GPR143: variants seen among roughly 807,000 people sequenced by gnomAD.
The protein encoded by GPR143 is G protein-coupled receptor 143.
Under a neutral mutation model 27.6 loss-of-function variants are expected in GPR143, and 8 were observed. The ratio of observed to expected loss-of-function variants is 0.29; its 90% CI spans 0.17 to 0.52. The LOEUF is 0.52. Among genes scored for constraint, GPR143 ranks in the 20% least tolerant of loss-of-function variants. GPR143 has a pLI of 0.96. For missense variants in GPR143, 303 were observed against 343.1 expected, an observed-to-expected ratio of 0.88 and a Z score of 0.92; for synonymous variants, 156 against 153.2, an observed-to-expected ratio of 1.02 and a Z score of -0.13.
intron 3 of GPR143, among the ~76,000 whole-genome samples, chrX:9,750,943 C>T (rs1253730573): frequency 1.8e-5 from 2 of 112,735 alleles, no homozygotes; most frequent in South Asian, 3.6e-4. Flanking sequence ...CTGCACCTCA[C>T]GGGCACAGCA....
intron 8 of GPR143, among the ~76,000 whole-genome samples, chrX:9,730,104 G>A (rs191428047): frequency 3.8e-4 from 43 of 112,583 alleles, no homozygotes; most frequent in African/African-American, 1.4e-3. Flanking sequence ...GTGTGTAGTT[G>A]GGTATACCCT....
At chrX:9,746,280 G>A (rs945151244) in intron 4 of GPR143, 127 bp from the exon 5 acceptor site, 1 of 510,448 alleles carries the variant, frequency 2.0e-6, no homozygotes, top group African/African-American at 2.3e-5. Flanking sequence ...GCTGCTGACT[G>A]CCCAAAGGAA....
At chrX:9,754,546 G>GAACCCC (rs2083465365) in intron 3 of GPR143, among the ~76,000 whole-genome samples, 1 of 111,898 alleles carries the variant, frequency 8.9e-6, no homozygotes, top group Non-Finnish European at 1.9e-5. Context: ...GCAGAAGTCT[G>GAACCCC]AACCCCAATC....
At chrX:9,751,166 C>T (rs1189446987) in intron 3 of GPR143, among the ~76,000 whole-genome samples, 2 of 112,924 alleles carry the variant, frequency 1.8e-5, no homozygotes, top group African/African-American at 3.2e-5. Flanking sequence ...TGTGCCACTA[C>T]GCTAAGGGGC....
chrX:9,726,581 T>G (rs1270648939), intron 8 of GPR143, among the ~76,000 whole-genome samples: 1 of 112,390 alleles, frequency 8.9e-6, no homozygotes, highest in Non-Finnish European at 1.9e-5. Context: ...TGTCCAAATA[T>G]GCTCAGCATT....
intron 4 of GPR143, among the ~76,000 whole-genome samples, chrX:9,746,421 G>T (rs766711211): frequency 1.3e-4 from 14 of 110,698 alleles, no homozygotes; most frequent in Non-Finnish European, 2.6e-4. Context: ...AAAGGTTCCT[G>T]CTGGGAAAAG....
chrX:9,750,455 A>C (rs1018844011), intron 3 of GPR143, among the ~76,000 whole-genome samples: 1 of 103,665 alleles, frequency 9.6e-6, no homozygotes, highest in Non-Finnish European at 2.0e-5. Flanking sequence ...TGATCCCCTC[A>C]CCTTGGCCTC....
intron 8 of GPR143, among the ~76,000 whole-genome samples, chrX:9,731,517 GA>G (rs1240354787): frequency 1.8e-5 from 2 of 111,370 alleles, no homozygotes; most frequent in East Asian, 5.6e-4. Context: ...GACTCATGGG[GA>G]AAAAATGGTG....
intron 8 of GPR143, among the ~76,000 whole-genome samples, chrX:9,729,126 G>A (rs990232231): frequency 1.7e-4 from 19 of 111,294 alleles, no homozygotes; most frequent in African/African-American, 4.9e-4. Flanking sequence ...TCAGTGTGGT[G>A]AATCTGCTTT....
upstream of GPR143, among the ~76,000 whole-genome samples, chrX:9,767,709 T>C (rs2083540699): frequency 8.9e-6 from 1 of 112,406 alleles, no homozygotes; most frequent in East Asian, 2.8e-4. Flanking sequence ...ACAGCTCTGC[T>C]GGATTACACA....
intron 8 of GPR143, among the ~76,000 whole-genome samples, chrX:9,738,973 G>A (rs1363336523): frequency 8.9e-6 from 1 of 112,148 alleles, no homozygotes; most frequent in East Asian, 2.8e-4. Flanking sequence ...GGTCAAGCTC[G>A]TCTCTAACTC....
Position 9,748,714 on chromosome X carries a change from C to A in GPR143, c.456-48G>T, listed in dbSNP as rs191054757. ...GCCACAGCTCAGTGGGGCACAGAGG[C>A]CTGCCTGGAACTGCCAGGCCAGCTC... On this transcript the variant is annotated intron_variant, in intron 3 of 8. Coordinates refer to ENST00000467482, the MANE Select transcript of GPR143 (RefSeq NM_000273.3). The A allele has an allele frequency of 5.5e-6, 5 of 908,414 alleles. No homozygotes were observed. In the South Asian group the frequency reaches 8.1e-5, roughly 15 times the overall value. 74.9% of individuals were successfully genotyped at this position (908,414 alleles called of 1,213,427 possible). A position where few individuals can be genotyped will look rare whatever the true frequency, so the allele number is the denominator to read the frequency against.
intron 8 of GPR143, chrX:9,726,115 A>AC (rs2083326014): frequency 5.8e-6 from 2 of 341,994 alleles, no homozygotes; most frequent in African/African-American, 5.9e-5. Flanking sequence ...TTGATAGGTG[A>AC]CTGCGGCACA....
At chrX:9,761,697 G>A (rs933562312) in intron 1 of GPR143, among the ~76,000 whole-genome samples, 3 of 112,064 alleles carry the variant, frequency 2.7e-5, no homozygotes, top group Admixed American at 9.5e-5. Flanking sequence ...TATTCTTTGT[G>A]AGTTTCTCTT....
chrX:9,765,942 C>T, upstream of GPR143: 2 of 705,202 alleles, frequency 2.8e-6, no homozygotes, highest in Admixed American at 1.2e-4. Context: ...ACCCCCAGCG[C>T]CTGCAGTAGA....
intron 3 of GPR143, among the ~76,000 whole-genome samples, chrX:9,752,977 C>A (rs1418014169): frequency 9.0e-6 from 1 of 111,342 alleles, no homozygotes; most frequent in East Asian, 2.8e-4. Flanking sequence ...GTCACAGAAG[C>A]CTCTGTGGGC....
chrX:9,735,647 G>A, intron 8 of GPR143, among the ~76,000 whole-genome samples: 1 of 112,049 alleles, frequency 8.9e-6, no homozygotes, highest in African/African-American at 3.2e-5. Context: ...CTAAAATGGT[G>A]TTGAATATTT....
At chrX:9,763,966 A>T (rs889555264) in intron 1 of GPR143, among the ~76,000 whole-genome samples, 9 of 112,782 alleles carry the variant, frequency 8.0e-5, no homozygotes, top group African/African-American at 2.3e-4. Context: ...AAATTTCAGT[A>T]ATAGTCACAT....
At chrX:9,766,903 T>TCACACACA (rs58553907), upstream of GPR143, among the ~76,000 whole-genome samples, 66 of 86,915 alleles carry the variant, frequency 7.6e-4, no homozygotes, top group African/African-American at 1.6e-3. Flanking sequence ...TCTCTCTCTC[T>TCACACACA]CACACACACA....
Sources: allele counts gnomAD v4.1 joint callset (sites outside exome capture counted in the v4.1 genomes callset), GRCh38; gene constraint gnomAD v4.1.1; transcripts MANE v1.5; gene names NCBI Gene and HGNC (gene_info 2026-07-23, HGNC 2026-07-21).